CSMD3: variants seen among roughly 807,000 people sequenced by gnomAD.
CSMD3 encodes the protein CUB and Sushi multiple domains 3, also known as CUB and sushi domain-containing protein 3.
CSMD3 carries 177 observed loss-of-function variants against 435.2 expected under a neutral mutation model. That is an observed-to-expected ratio of 0.41 (90% CI 0.36 to 0.46). The LOEUF (loss-of-function observed/expected upper bound fraction) is 0.46, where lower values mean the gene tolerates loss of function less well. CSMD3 is among the 20% of genes least tolerant of loss of function. The pLI, the probability that CSMD3 is intolerant of heterozygous loss-of-function variation, is 0.34. For missense variants in CSMD3, 4,265 were observed against 4,504.6 expected (o/e 0.95, Z 1.52); for synonymous variants, 1,656 against 1,520.5 (o/e 1.09, Z -2.07).
intron 7 of CSMD3, among the ~76,000 whole-genome samples, chr8:112,970,395 C>CA (rs11284034): frequency 0.01 from 843 of 81,938 alleles, 13 homozygotes; most frequent in South Asian, 0.052. Flanking sequence ...GACTCCCTCT[C>CA]AAAAAAAAAA....
intron 3 of CSMD3, among the ~76,000 whole-genome samples, chr8:113,257,689 T>G: frequency 1.3e-5 from 2 of 152,334 alleles, no homozygotes; most frequent in Middle Eastern, 6.8e-3. Flanking sequence ...CTTTTCATAC[T>G]CAACATCAGG....
intron 13 of CSMD3, among the ~76,000 whole-genome samples, chr8:112,781,877 G>T (rs2078397097): frequency 6.6e-6 from 1 of 152,160 alleles, no homozygotes; most frequent in Admixed American, 6.6e-5. Context: ...CTGGGCTTGG[G>T]GTGCCCCTTA....
At chr8:112,932,080 C>T (rs1267616636) in intron 9 of CSMD3, among the ~76,000 whole-genome samples, 5 of 152,164 alleles carry the variant, frequency 3.3e-5, no homozygotes, top group Non-Finnish European at 1.5e-5. Flanking sequence ...TAAGAACCAG[C>T]AATCCCACCA....
intron 10 of CSMD3, among the ~76,000 whole-genome samples, chr8:112,871,341 G>A (rs949879525): frequency 2.6e-5 from 4 of 152,116 alleles, no homozygotes; most frequent in African/African-American, 9.7e-5. Flanking sequence ...TTTAAAAAAT[G>A]TTTTCCAAAT....
At chr8:113,245,754 G>A (rs917931635) in intron 3 of CSMD3, among the ~76,000 whole-genome samples, 6 of 151,994 alleles carry the variant, frequency 3.9e-5, no homozygotes, top group African/African-American at 1.4e-4. Context: ...TTGAGTTACT[G>A]TCTAATGTCA....
intron 1 of CSMD3, among the ~76,000 whole-genome samples, chr8:113,336,045 A>G (rs913435423): frequency 6.6e-6 from 1 of 151,936 alleles, no homozygotes; most frequent in Admixed American, 6.6e-5. Context: ...TATAATTCCA[A>G]TGACACAAAT....
chr8:112,385,755 T>A (rs550693879), intron 36 of CSMD3, among the ~76,000 whole-genome samples: 1 of 152,276 alleles, frequency 6.6e-6, no homozygotes, highest in South Asian at 2.1e-4. Context: ...AATAATTTAT[T>A]TTCTTTTCTG....
At chr8:113,108,432 A>G (rs1436448348) in intron 4 of CSMD3, among the ~76,000 whole-genome samples, 1 of 151,920 alleles carries the variant, frequency 6.6e-6, no homozygotes, top group Non-Finnish European at 1.5e-5. Flanking sequence ...ATCTCAAAAA[A>G]AAAAAAAAGG....
At chr8:112,484,240 C>A (rs1819905608) in intron 31 of CSMD3, among the ~76,000 whole-genome samples, 1 of 152,054 alleles carries the variant, frequency 6.6e-6, no homozygotes, top group African/African-American at 2.4e-5. Context: ...TGAATTTTAG[C>A]ATTTCTCTTA....
At chr8:112,910,112 A>G (rs2130525036) in intron 10 of CSMD3, among the ~76,000 whole-genome samples, 1 of 151,988 alleles carries the variant, frequency 6.6e-6, no homozygotes, top group Admixed American at 6.6e-5. Context: ...AATTTATCAC[A>G]GAGAGAAATA....
chr8:112,351,833 T>C (rs1826163306), intron 39 of CSMD3, among the ~76,000 whole-genome samples: 1 of 152,012 alleles, frequency 6.6e-6, no homozygotes, highest in Non-Finnish European at 1.5e-5. Context: ...CTTAACTTTT[T>C]ATCTTAATGA....
chr8:112,802,465 A>C (rs990443174), intron 12 of CSMD3, among the ~76,000 whole-genome samples: 1 of 152,080 alleles, frequency 6.6e-6, no homozygotes, highest in Non-Finnish European at 1.5e-5. Context: ...TGATGAAGGC[A>C]ATTAACATGT....
chr8:112,783,823 C>CAA (rs933406114), intron 13 of CSMD3, among the ~76,000 whole-genome samples: 1 of 134,706 alleles, frequency 7.4e-6, no homozygotes, highest in African/African-American at 2.7e-5. Context: ...GATTTCAAGA[C>CAA]AAAAAAAAAA....
chr8:113,172,129 C>T (rs930651095), intron 4 of CSMD3, among the ~76,000 whole-genome samples: 1 of 152,120 alleles, frequency 6.6e-6, no homozygotes, highest in Admixed American at 6.6e-5. Flanking sequence ...ATAAACTATC[C>T]TTTATTTCTG....
At chr8:113,106,163 A>C (rs1233420792) in intron 4 of CSMD3, among the ~76,000 whole-genome samples, 5 of 152,104 alleles carry the variant, frequency 3.3e-5, no homozygotes, top group African/African-American at 1.2e-4. Flanking sequence ...ATCAAAGATG[A>C]ATACATGTTA....
intron 32 of CSMD3, among the ~76,000 whole-genome samples, chr8:112,411,436 A>C (rs762575117): frequency 1.3e-4 from 19 of 151,954 alleles, no homozygotes; most frequent in Non-Finnish European, 2.8e-4. Context: ...CTTTAAAAGC[A>C]ATCAACTCTG....
At position 112,346,127 on chromosome 8, in the gene CSMD3, T is replaced by A. The variant is rs767931332; in HGVS notation, c.6412A>T (p.Thr2138Ser). The change falls in exon 41 of 71, where the codon ACA becomes TCA. Residue 2138 changes from threonine (T) to serine (S), a missense_variant. Transcript: ENST00000297405. ...CCTATGGGTAGATTTATTGTCCATG[T>A]GCAATCTAAACTGCTGGGATAGTTT... ...PGNYPSSLDC[T>S]WTINLPIGFG... 2.5e-6 allele frequency: 4 copies of A among 1,609,518 alleles called. No homozygotes were observed. In the East Asian group the frequency reaches 8.9e-5, roughly 36 times the overall value.
chr8:112,286,838 G>T (rs991627984), intron 58 of CSMD3, among the ~76,000 whole-genome samples: 2 of 152,036 alleles, frequency 1.3e-5, no homozygotes, highest in Non-Finnish European at 2.9e-5. Flanking sequence ...TTGCTATGTT[G>T]TGAACAATGT....
chr8:112,331,610 T>C (rs1227032803), intron 45 of CSMD3, among the ~76,000 whole-genome samples: 5 of 151,644 alleles, frequency 3.3e-5, no homozygotes, highest in African/African-American at 7.3e-5. Flanking sequence ...TATCAACAAA[T>C]AAAACTTCAA....
Sources: gnomAD v4.1 joint callset for allele counts (sites outside exome capture counted in the v4.1 genomes callset) on GRCh38, gnomAD v4.1.1 for gene constraint, MANE v1.5 for transcripts, NCBI Gene and HGNC (gene_info 2026-07-23, HGNC 2026-07-21) for gene names.